The following LRRC3B variants were observed in gnomAD, a reference collection of about 807,000 sequenced individuals.
LRRC3B encodes the protein leucine rich repeat containing 3B, also known as leucine-rich repeat-containing protein 3B.
Under a neutral mutation model 12.8 loss-of-function variants are expected in LRRC3B, and 2 were observed. The ratio of observed to expected loss-of-function variants is 0.16; its 90% CI spans 0.06 to 0.49. The LOEUF (loss-of-function observed/expected upper bound fraction) is 0.49, where lower values mean the gene tolerates loss of function less well. Among genes scored for constraint, LRRC3B ranks in the 20% least tolerant of loss-of-function variants. The pLI, the probability that LRRC3B is intolerant of heterozygous loss-of-function variation, is 0.96. For missense variants in LRRC3B, 189 were observed against 319.4 expected, an observed-to-expected ratio of 0.59 and a Z score of 3.11; for synonymous variants, 132 against 122.0, an observed-to-expected ratio of 1.08 and a Z score of -0.54.
At chr3:26,699,516 T>C (rs1205185153) in intron 1 of LRRC3B, among the ~76,000 whole-genome samples, 1 of 152,168 alleles carries the variant, frequency 6.6e-6, no homozygotes, top group Non-Finnish European at 1.5e-5. Context: ...CCTGTGTTTT[T>C]CCCACCAACC....
intron 1 of LRRC3B, among the ~76,000 whole-genome samples, chr3:26,644,391 T>C (rs1450398085): frequency 6.6e-6 from 1 of 152,220 alleles, no homozygotes; most frequent in Non-Finnish European, 1.5e-5. Flanking sequence ...CCTTTGAGAA[T>C]CTGAGTTATT....
chr3:26,673,133 A>G (rs891325149), intron 1 of LRRC3B, among the ~76,000 whole-genome samples: 1 of 152,194 alleles, frequency 6.6e-6, no homozygotes, highest in Admixed American at 6.6e-5. Flanking sequence ...GTGGCAAGCA[A>G]TTGTTTTCTG....
intron 1 of LRRC3B, among the ~76,000 whole-genome samples, chr3:26,643,905 C>T (rs1171712116): frequency 2.0e-5 from 3 of 152,108 alleles, no homozygotes; most frequent in Admixed American, 1.3e-4. Context: ...TTCTTACCAG[C>T]GAATTCTGCA....
chr3:26,677,919 G>A (rs918420858), intron 1 of LRRC3B, among the ~76,000 whole-genome samples: 1 of 152,056 alleles, frequency 6.6e-6, no homozygotes, highest in African/African-American at 2.4e-5. Context: ...TCCCACCTCA[G>A]TTCCCGAGTA....
At chr3:26,626,489 C>G (rs1435300729) in intron 1 of LRRC3B, among the ~76,000 whole-genome samples, 1 of 152,094 alleles carries the variant, frequency 6.6e-6, no homozygotes, top group Non-Finnish European at 1.5e-5. Flanking sequence ...GAGCTCAAGG[C>G]CATTTGGTGC....
chr3:26,685,515 CTCTCTCTCTATATATATATATATA>C (rs1700062861), intron 1 of LRRC3B, among the ~76,000 whole-genome samples: 2 of 53,802 alleles, frequency 3.7e-5, no homozygotes, highest in South Asian at 7.7e-4. Context: ...CTCTCTCTCT[CTCTCTCTCTATATATATATATATA>C]TATATATATA....
At chr3:26,707,946 A>T (rs1700643839) in intron 1 of LRRC3B, among the ~76,000 whole-genome samples, 1 of 151,972 alleles carries the variant, frequency 6.6e-6, no homozygotes, top group Non-Finnish European at 1.5e-5. Context: ...TATTTAAGGG[A>T]CTCGACTCAG....
At chr3:26,701,573 C>T (rs1700455335) in intron 1 of LRRC3B, among the ~76,000 whole-genome samples, 1 of 152,118 alleles carries the variant, frequency 6.6e-6, no homozygotes, top group Admixed American at 6.6e-5. Flanking sequence ...CTAGTGACCG[C>T]ATTTGACCTA....
chr3:26,637,175 A>G (rs1698920008), intron 1 of LRRC3B, among the ~76,000 whole-genome samples: 1 of 151,576 alleles, frequency 6.6e-6, no homozygotes, highest in Non-Finnish European at 1.5e-5. Context: ...TTTTTAGTAG[A>G]GACAGGGTTT....
chr3:26,675,949 T>G (rs1003482113), intron 1 of LRRC3B, among the ~76,000 whole-genome samples: 13 of 151,746 alleles, frequency 8.6e-5, no homozygotes, highest in Non-Finnish European at 1.5e-4. Flanking sequence ...TTCATTTTTT[T>G]TATAGTTATA....
intron 1 of LRRC3B, among the ~76,000 whole-genome samples, chr3:26,655,731 C>G (rs1699359560): frequency 6.6e-6 from 1 of 152,150 alleles, no homozygotes; most frequent in Non-Finnish European, 1.5e-5. Flanking sequence ...GCAATTCTAA[C>G]TGTGTCATGG....
chr3:26,677,140 T>C (rs539403185), intron 1 of LRRC3B, among the ~76,000 whole-genome samples: 1 of 152,164 alleles, frequency 6.6e-6, no homozygotes, highest in Non-Finnish European at 1.5e-5. Context: ...ACCATCCTTC[T>C]TCACAGGGAT....
At chr3:26,650,537 T>C (rs1444962475) in intron 1 of LRRC3B, among the ~76,000 whole-genome samples, 2 of 152,074 alleles carry the variant, frequency 1.3e-5, no homozygotes, top group East Asian at 3.9e-4. Flanking sequence ...AATAAGCAAG[T>C]ACAGAGAGAA....
intron 1 of LRRC3B, among the ~76,000 whole-genome samples, chr3:26,672,678 T>C (rs1281215100): frequency 2.0e-5 from 3 of 152,226 alleles, no homozygotes; most frequent in Non-Finnish European, 4.4e-5. Context: ...CAGCCCCAAC[T>C]CTATTGCTCC....
At chr3:26,685,971 T>C (rs1303241788) in intron 1 of LRRC3B, among the ~76,000 whole-genome samples, 1 of 152,174 alleles carries the variant, frequency 6.6e-6, no homozygotes, top group Non-Finnish European at 1.5e-5. Flanking sequence ...AATACCAAGT[T>C]CTTAGGCTTA....
intron 1 of LRRC3B, among the ~76,000 whole-genome samples, chr3:26,644,337 A>G (rs1699097229): frequency 6.6e-6 from 1 of 152,236 alleles, no homozygotes; most frequent in Admixed American, 6.5e-5. Context: ...TACCTATGTC[A>G]GAAGTGTTTT....
chr3:26,696,656 C>T (rs147336534), intron 1 of LRRC3B, among the ~76,000 whole-genome samples: 1 of 152,146 alleles, frequency 6.6e-6, no homozygotes, highest in East Asian at 1.9e-4. Context: ...ATTCTGTGGG[C>T]CCCTCACTGT....
intron 1 of LRRC3B, among the ~76,000 whole-genome samples, chr3:26,638,617 G>A (rs547753532): frequency 1.3e-5 from 2 of 152,294 alleles, no homozygotes; most frequent in South Asian, 2.1e-4. Flanking sequence ...TAATTTACTG[G>A]TTGTTAACTT....
At chr3:26,626,584 A>C (rs912655046) in intron 1 of LRRC3B, among the ~76,000 whole-genome samples, 1 of 151,798 alleles carries the variant, frequency 6.6e-6, no homozygotes, top group Non-Finnish European at 1.5e-5. Context: ...AATTATGCTC[A>C]CTCCTGCTGT....
Sources: allele counts gnomAD v4.1 joint callset (sites outside exome capture counted in the v4.1 genomes callset), GRCh38; gene constraint gnomAD v4.1.1; transcripts MANE v1.5; gene names NCBI Gene and HGNC (gene_info 2026-07-23, HGNC 2026-07-21).